The following CLIC5 variants were observed in gnomAD, a reference collection of about 807,000 sequenced individuals.
CLIC5 encodes the protein chloride intracellular channel protein 5.
CLIC5 carries 20 observed loss-of-function variants against 24.7 expected under a neutral mutation model. The observed-to-expected ratio is 0.81, with a 90% CI of 0.57 to 1.18. CLIC5 has a LOEUF of 1.18. CLIC5 is among the 50% of genes most tolerant of loss of function. The pLI, the probability that CLIC5 is intolerant of heterozygous loss-of-function variation, is 0.00. For missense variants in CLIC5, 341 were observed against 326.1 expected (o/e 1.05, Z -0.35); for synonymous variants, 159 against 135.6 (o/e 1.17, Z -1.20).
the CLIC5 span, among the ~76,000 whole-genome samples, chr6:46,117,218 A>G: frequency 6.6e-6 from 1 of 152,132 alleles, no homozygotes; most frequent in Non-Finnish European, 1.5e-5. Flanking sequence ...CATGTAACAC[A>G]CCAGGATACC....
chr6:46,060,216 G>A (rs1031848920), intron 1 of CLIC5, among the ~76,000 whole-genome samples: 1 of 152,174 alleles, frequency 6.6e-6, no homozygotes, highest in East Asian at 1.9e-4. Flanking sequence ...CTGCTGACAT[G>A]AGTATTTTGG....
At chr6:46,026,961 T>A (rs758738039) in intron 1 of CLIC5, among the ~76,000 whole-genome samples, 1 of 152,176 alleles carries the variant, frequency 6.6e-6, no homozygotes, top group African/African-American at 2.4e-5. Flanking sequence ...GTAATCTCAT[T>A]TGTGATTCCA....
the CLIC5 span, among the ~76,000 whole-genome samples, chr6:46,105,217 T>C: frequency 6.6e-6 from 1 of 152,174 alleles, no homozygotes; most frequent in African/African-American, 2.4e-5. Flanking sequence ...CTGGATCTTA[T>C]GAGGTGGGAG....
chr6:46,049,542 A>G (rs530337310), intron 1 of CLIC5, among the ~76,000 whole-genome samples: 9 of 152,192 alleles, frequency 5.9e-5, no homozygotes, highest in Admixed American at 5.2e-4. Context: ...AGAGTATCAC[A>G]TAGTTAAAAA....
rs928166614 is a variant in CLIC5 at position 45,913,715 on chromosome 6, G to A, written c.588+513C>T. 8.6e-6 allele frequency: 9 copies of A among 1,047,336 alleles called. No individual in the cohort carries two copies. In the African/African-American group the frequency reaches 1.5e-4, roughly 17 times the overall value. 64.9% of individuals were successfully genotyped at this position (1,047,336 alleles called of 1,614,324 possible). ...GTAAGTGCAATGATAGCAAGAAAGT[G>A]ACATCACTTCTTGCAACCTCCACCT... On this transcript the variant is annotated intron_variant, in intron 5 of 5. Coordinates refer to ENST00000339561, the MANE Select transcript of CLIC5 (RefSeq NM_016929.5).
chr6:46,119,268 C>T, the CLIC5 span, among the ~76,000 whole-genome samples: 4 of 152,192 alleles, frequency 2.6e-5, no homozygotes, highest in Non-Finnish European at 5.9e-5. Flanking sequence ...ATCCTGAATC[C>T]ATTTCCTGAC....
chr6:46,075,413 A>G (rs542027436), intron 1 of CLIC5, among the ~76,000 whole-genome samples: 12 of 152,162 alleles, frequency 7.9e-5, no homozygotes, highest in African/African-American at 2.9e-4. Context: ...ACAAACAAAC[A>G]AACAAACAAA....
intron 1 of CLIC5, among the ~76,000 whole-genome samples, chr6:46,033,082 G>A (rs1296124699): frequency 6.8e-5 from 10 of 147,318 alleles, no homozygotes; most frequent in East Asian, 2.1e-4. Flanking sequence ...TCCGCCTCCC[G>A]GGTTCAAGCA....
At chr6:46,031,543 G>T (rs981209883) in intron 1 of CLIC5, among the ~76,000 whole-genome samples, 60 of 152,090 alleles carry the variant, frequency 3.9e-4, no homozygotes, top group African/African-American at 1.4e-3. Context: ...TCTGCAATGT[G>T]GGTAGGAAGT....
intron 3 of CLIC5, among the ~76,000 whole-genome samples, chr6:45,944,506 C>G (rs1245697748): frequency 1.5e-5 from 2 of 131,450 alleles, no homozygotes; most frequent in African/African-American, 3.0e-5. Flanking sequence ...CAAATGCATG[C>G]ACTTAACTTT....
At chr6:45,891,619 G>A (rs1244226050) in intron 6 of CLIC5, among the ~76,000 whole-genome samples, 7 of 139,080 alleles carry the variant, frequency 5.0e-5, no homozygotes. Context: ...TGGTGACAGA[G>A]CAAGATTTCA....
the CLIC5 span, among the ~76,000 whole-genome samples, chr6:46,097,795 C>T: frequency 6.6e-6 from 1 of 152,142 alleles, no homozygotes; most frequent in Non-Finnish European, 1.5e-5. Flanking sequence ...TCTCTAGTAC[C>T]TTCTGTTATA....
At chr6:45,930,012 G>C (rs1763666586) in intron 4 of CLIC5, among the ~76,000 whole-genome samples, 2 of 152,158 alleles carry the variant, frequency 1.3e-5, no homozygotes, top group Admixed American at 1.3e-4. Context: ...AGGGAGGAAG[G>C]GGAGAAGGCA....
chr6:45,893,228 T>C (rs1258562644), intron 6 of CLIC5, among the ~76,000 whole-genome samples: 1 of 149,376 alleles, frequency 6.7e-6, no homozygotes, highest in Non-Finnish European at 1.5e-5. Flanking sequence ...AGTGCCACCC[T>C]GGTTTTTTTT....
At chr6:46,022,475 C>A (rs1767212021) in intron 1 of CLIC5, among the ~76,000 whole-genome samples, 1 of 152,180 alleles carries the variant, frequency 6.6e-6, no homozygotes, top group South Asian at 2.1e-4. Flanking sequence ...AGACATTATG[C>A]CCTTGTGGGA....
downstream of CLIC5, among the ~76,000 whole-genome samples, chr6:45,894,793 T>A (rs913785270): frequency 2.0e-5 from 3 of 152,220 alleles, no homozygotes; most frequent in African/African-American, 7.2e-5. Context: ...AAGTTTATAA[T>A]GTAAAAGCTT....
At chr6:46,044,156 C>T (rs1357507565) in intron 1 of CLIC5, among the ~76,000 whole-genome samples, 1 of 152,208 alleles carries the variant, frequency 6.6e-6, no homozygotes, top group Non-Finnish European at 1.5e-5. Context: ...CCTGTGAATG[C>T]TTCAAAGGTT....
intron 4 of CLIC5, among the ~76,000 whole-genome samples, chr6:45,928,665 G>A (rs1188132569): frequency 1.3e-5 from 2 of 152,174 alleles, no homozygotes; most frequent in Admixed American, 1.3e-4. Context: ...AATTTTGCAT[G>A]TAAGCACTTT....
At chr6:45,888,005 G>A (rs577914623) in intron 6 of CLIC5, among the ~76,000 whole-genome samples, 1 of 152,296 alleles carries the variant, frequency 6.6e-6, no homozygotes, top group South Asian at 2.1e-4. Context: ...AAAGAAAAAT[G>A]AACAAAGCAG....
Sources: allele counts gnomAD v4.1 joint callset (sites outside exome capture counted in the v4.1 genomes callset), GRCh38; gene constraint gnomAD v4.1.1; transcripts MANE v1.5; gene names NCBI Gene and HGNC (gene_info 2026-07-23, HGNC 2026-07-21).